Variants in CD99L2 observed in about 807,000 individuals in gnomAD.
The protein encoded by CD99L2 is CD99 molecule like 2.
CD99L2 carries 24 observed loss-of-function variants against 27.3 expected under a neutral mutation model. The ratio of observed to expected loss-of-function variants is 0.88; its 90% CI spans 0.64 to 1.24. The LOEUF is 1.24. Among genes scored for constraint, CD99L2 ranks in the 50% most tolerant of loss-of-function variants. CD99L2 has a pLI of 0.00. For missense variants in CD99L2, 255 were observed against 221.6 expected, an observed-to-expected ratio of 1.15 and a Z score of -0.96; for synonymous variants, 97 against 87.9, an observed-to-expected ratio of 1.10 and a Z score of -0.58.
At chrX:150,888,574 C>T (rs2047451110) in intron 1 of CD99L2, among the ~76,000 whole-genome samples, 1 of 112,234 alleles carries the variant, frequency 8.9e-6, no homozygotes, top group Non-Finnish European at 1.9e-5. Context: ...TGCCACTGAA[C>T]TGTGTGCCTT....
rs112859773 is a variant in CD99L2 at position 150,808,197 on chromosome X, T to A, written c.277+6665A>T. On this transcript the variant is annotated intron_variant, in intron 4 of 10. Transcript: ENST00000370377. The stretch of plus-strand genomic sequence containing the variant: ...AATACATGATTGCTGTACACTGATA[T>A]CGAAAACATCACTGACCTGAATGAA... 4.8e-3 allele frequency among the ~76,000 whole-genome samples: 538 copies of A among 112,790 alleles called. 4 individuals carry two copies. The highest frequency in any genetic ancestry group is 0.037 in the Middle Eastern group (8 of 217).
chrX:150,835,979 C>T (rs1444125839), intron 1 of CD99L2, among the ~76,000 whole-genome samples: 3 of 111,332 alleles, frequency 2.7e-5, no homozygotes, highest in African/African-American at 9.8e-5. Context: ...CAGTACCCCA[C>T]CTAGACTAGA....
At chrX:150,810,576 G>A (rs1295098435) in intron 4 of CD99L2, among the ~76,000 whole-genome samples, 3 of 109,459 alleles carry the variant, frequency 2.7e-5, no homozygotes, top group Non-Finnish European at 5.7e-5. Context: ...CAGAGTGAAG[G>A]AAGAAAAAAA....
intron 1 of CD99L2, among the ~76,000 whole-genome samples, chrX:150,841,471 A>G (rs1226998662): frequency 9.0e-6 from 1 of 111,627 alleles, no homozygotes; most frequent in Non-Finnish European, 1.9e-5. Context: ...CAATCCATGT[A>G]CGTGTATTTC....
At chrX:150,832,674 T>C (rs1311478678) in intron 1 of CD99L2, among the ~76,000 whole-genome samples, 1 of 111,372 alleles carries the variant, frequency 9.0e-6, no homozygotes, top group East Asian at 2.8e-4. Flanking sequence ...GAACAAGAAA[T>C]AAAAGGCCTC....
chrX:150,891,563 G>A (rs1476452283), intron 1 of CD99L2, among the ~76,000 whole-genome samples: 19 of 111,905 alleles, frequency 1.7e-4, no homozygotes, highest in African/African-American at 6.2e-4. Context: ...TTTAAGGTCA[G>A]CAGATTGGCG....
intron 4 of CD99L2, 125 bp downstream of exon 4, chrX:150,814,737 G>C (rs1569565970): frequency 5.6e-6 from 3 of 536,168 alleles, no homozygotes; most frequent in Non-Finnish European, 9.5e-6. Flanking sequence ...ACTGTTACAG[G>C]GTTCTCCAGT....
chrX:150,837,716 A>G (rs2046554934), intron 1 of CD99L2, among the ~76,000 whole-genome samples: 1 of 112,278 alleles, frequency 8.9e-6, no homozygotes, highest in Non-Finnish European at 1.9e-5. Context: ...TTGGGTTATA[A>G]CCCCAAGTAT....
chrX:150,864,313 C>T (rs1488025819), intron 1 of CD99L2, among the ~76,000 whole-genome samples: 5 of 112,450 alleles, frequency 4.4e-5, no homozygotes, highest in Admixed American at 2.8e-4. Flanking sequence ...GGCATCCACA[C>T]GTGCACAAAG....
At chrX:150,862,197 C>G (rs1275543276) in intron 1 of CD99L2, among the ~76,000 whole-genome samples, 1 of 112,000 alleles carries the variant, frequency 8.9e-6, no homozygotes, top group South Asian at 3.7e-4. Context: ...GCATCCAATA[C>G]CCCTGTGGTA....
intron 1 of CD99L2, among the ~76,000 whole-genome samples, chrX:150,838,478 T>C (rs1429501931): frequency 8.1e-5 from 9 of 111,443 alleles, no homozygotes; most frequent in Non-Finnish European, 1.7e-4. Context: ...TGTCCTAGCT[T>C]TGCAATTTTT....
At position 150,862,526 on chromosome X, in the gene CD99L2, A is replaced by G. The variant is rs782411861; in HGVS notation, c.68-31233T>C. ...CCAAAAGGAGCACAGCCATGCTGAC[A>G]CCTTGAGTTTAGCCAGTGAGACCCT... On this transcript the variant is annotated intron_variant, in intron 1 of 10. Transcript: ENST00000370377. Among the ~76,000 whole-genome samples, 43 of 112,401 alleles carry G rather than the reference A, an allele frequency of 3.8e-4. No individual in the cohort carries two copies. In the East Asian group the frequency reaches 0.011, roughly 28 times the overall value.
intron 2 of CD99L2, among the ~76,000 whole-genome samples, chrX:150,820,229 T>C (rs111558425): frequency 3.1e-5 from 3 of 98,135 alleles, no homozygotes; most frequent in Non-Finnish European, 4.1e-5. Flanking sequence ...GTAAAATCAA[T>C]CAATGTACTA....
rs368100797 is a variant in CD99L2, at chrX:150,818,201, G to GATATATATATATATATATATATATAT, written c.131-2124_131-2123insATATATATATATATATATATATATAT. Among the ~76,000 whole-genome samples, 124 of 86,129 alleles carry GATATATATATATATATATATATATAT rather than the reference G, an allele frequency of 1.4e-3. 1 individual carries two copies. Among genetic ancestry groups the GATATATATATATATATATATATATAT allele is most frequent in the African/African-American group, 2.9e-3 (65 of 22,758 alleles). 74.8% of individuals were successfully genotyped at this position (86,129 alleles called of 115,157 possible). A position where few individuals can be genotyped will look rare whatever the true frequency, so the allele number is the denominator to read the frequency against. On this transcript the variant is annotated intron_variant, in intron 2 of 10. Coordinates refer to ENST00000370377, the MANE Select transcript of CD99L2 (RefSeq NM_031462.4). ...CAATCACAGAAGAAACAAGTAGGCA[G>GATATATATATATATATATATATATAT]ATATATATATATATATATATATGAC...
intron 1 of CD99L2, among the ~76,000 whole-genome samples, chrX:150,838,070 G>A (rs1314269022): frequency 2.7e-5 from 3 of 112,621 alleles, no homozygotes; most frequent in Non-Finnish European, 3.7e-5. Context: ...AGGATGTGAT[G>A]TGCATGGCAC....
Position 150,848,051 on chromosome X carries a change from T to C in CD99L2, c.68-16758A>G, listed in dbSNP as rs2046727930. Among the ~76,000 whole-genome samples the C allele has an allele frequency of 5.0e-5, 5 of 100,073 alleles. No individual in the cohort carries two copies. In the South Asian group the frequency reaches 1.9e-3, roughly 38 times the overall value. 86.9% of individuals were successfully genotyped at this position (100,073 alleles called of 115,157 possible). Reference sequence around the variant, plus strand: ...GGCACATCACTTCCCTGCTCAAAACTCCCAAAGGCCTCCTCACTACACTGA... The same window carrying C: ...GGCACATCACTTCCCTGCTCAAAACCCCCAAAGGCCTCCTCACTACACTGA... On this transcript the variant is annotated intron_variant, in intron 1 of 10. Coordinates refer to ENST00000370377, the MANE Select transcript of CD99L2 (RefSeq NM_031462.4).
At chrX:150,872,494 T>A (rs2047172345) in intron 1 of CD99L2, among the ~76,000 whole-genome samples, 1 of 102,756 alleles carries the variant, frequency 9.7e-6, no homozygotes, top group African/African-American at 3.6e-5. Flanking sequence ...CTACTGAAGA[T>A]CTTAATATCA....
chrX:150,848,598 C>G (rs2046741505), intron 1 of CD99L2, among the ~76,000 whole-genome samples: 1 of 104,717 alleles, frequency 9.5e-6, no homozygotes, highest in Non-Finnish European at 2.0e-5. Flanking sequence ...TTTTAAAAAT[C>G]AAAATTCAGA....
chrX:150,859,701 G>A (rs1422195219), intron 1 of CD99L2, among the ~76,000 whole-genome samples: 1 of 108,947 alleles, frequency 9.2e-6, no homozygotes, highest in Non-Finnish European at 1.9e-5. Context: ...GTTTCACCAT[G>A]TTGGCCAGGC....
Sources: gnomAD v4.1 joint callset for allele counts (sites outside exome capture counted in the v4.1 genomes callset) on GRCh38, gnomAD v4.1.1 for gene constraint, MANE v1.5 for transcripts, NCBI Gene and HGNC (gene_info 2026-07-23, HGNC 2026-07-21) for gene names.